The following ADGRB1 variants were observed in gnomAD, a reference collection of about 807,000 sequenced individuals.
ADGRB1 encodes the protein adhesion G protein-coupled receptor B1.
A neutral mutation model predicts 175.7 loss-of-function variants in ADGRB1; 36 were observed. The ratio of observed to expected loss-of-function variants is 0.20; its 90% CI spans 0.16 to 0.27. The LOEUF is 0.27. Among genes scored for constraint, ADGRB1 ranks in the 10% least tolerant of loss-of-function variants. The pLI, the probability that ADGRB1 is intolerant of heterozygous loss-of-function variation, is 1.00. For synonymous variants in ADGRB1, 1,054 were observed against 979.4 expected, an observed-to-expected ratio of 1.08 and a Z score of -1.42; for missense variants, 1,731 against 2,255.3, an observed-to-expected ratio of 0.77 and a Z score of 4.71.
chr8:142,479,504 C>A lies in ADGRB1; in HGVS notation c.1726+17C>A. The A allele has an allele frequency of 1.3e-6, 2 of 1,526,794 alleles. No homozygotes were observed. Among genetic ancestry groups the A allele is most frequent in the South Asian group, 1.2e-5 (1 of 80,712 alleles). 94.6% of individuals were successfully genotyped at this position (1,526,794 alleles called of 1,614,324 possible). On this transcript the variant is annotated intron_variant, in intron 8 of 30. Coordinates refer to ENST00000517894, the MANE Select transcript of ADGRB1 (RefSeq NM_001702.3). ...GGTGTCCCGGTGAGGCCCCTCCTAC[C>A]TGGGCTGGGCTCTGGGGAGGGCTGA... is the stretch of plus-strand genomic sequence containing the variant.
chr8:142,450,503 GC>G (rs1839281783), intron 1 of ADGRB1, among the ~76,000 whole-genome samples: 1 of 152,076 alleles, frequency 6.6e-6, no homozygotes, highest in African/African-American at 2.4e-5. Context: ...ACAGACGCTG[GC>G]GGGGGTCTAA....
At chr8:142,539,327 C>G (rs1262532502) in intron 26 of ADGRB1, 47 bp from the exon 27 acceptor site, 2 of 1,552,190 alleles carry the variant, frequency 1.3e-6, no homozygotes. Flanking sequence ...TGCACACACC[C>G]CCGCTCCCAG....
chr8:142,524,126 G>A, intron 22 of ADGRB1, 112 bp from the exon 23 acceptor site: 1 of 1,207,380 alleles, frequency 8.3e-7, no homozygotes, highest in Non-Finnish European at 1.2e-6. Flanking sequence ...CTTAATAAGT[G>A]CCAGTTTTCT....
intron 1 of ADGRB1, among the ~76,000 whole-genome samples, chr8:142,457,756 C>T (rs780005133): frequency 3.0e-4 from 45 of 152,302 alleles, no homozygotes; most frequent in Non-Finnish European, 5.4e-4. Flanking sequence ...GGCACCCCCT[C>T]CTCGACTTGG....
intron 24 of ADGRB1, among the ~76,000 whole-genome samples, chr8:142,527,028 A>G: frequency 6.6e-6 from 1 of 152,176 alleles, no homozygotes; most frequent in East Asian, 1.9e-4. Context: ...CTGTCCATGC[A>G]GGGACTCCCT....
chr8:142,476,844 T>C (rs949081749), intron 4 of ADGRB1, 149 bp downstream of exon 4: 1 of 987,144 alleles, frequency 1.0e-6, no homozygotes, highest in Non-Finnish European at 1.5e-6. Context: ...CCTGACTGCC[T>C]GGCATTAGGG....
chr8:142,513,248 G>A lies in ADGRB1; in HGVS notation c.2817+2175G>A, dbSNP rs371570844. ...CAGTGTCCTCATCTGTGAGATGGGA[G>A]GGCGGTTGGCTCTGCCGCAAGGGCA... On this transcript the variant is annotated intron_variant, in intron 18 of 30. Coordinates refer to ENST00000517894, the MANE Select transcript of ADGRB1 (RefSeq NM_001702.3). 1.2e-3 allele frequency among the ~76,000 whole-genome samples: 177 copies of A among 152,318 alleles called. 4 individuals carry two copies. The South Asian group carries it at 0.035, about 30-fold the overall frequency.
rs1033276451 is a variant in ADGRB1 at position 142,499,832 on chromosome 8, G to A, written c.2675+9017G>A. Among the ~76,000 whole-genome samples the A allele has an allele frequency of 3.3e-5, 5 of 152,328 alleles. No individual in the cohort carries two copies. The East Asian group carries it at 7.7e-4, about 24-fold the overall frequency. On this transcript the variant is annotated intron_variant, in intron 17 of 30. Coordinates refer to ENST00000517894, the MANE Select transcript of ADGRB1 (RefSeq NM_001702.3). Reference sequence around the variant, plus strand: ...CTTCCTGGGTGCCTGCTCGGTGCCGGGCCTTCTGCCAGGAGCTTGGAAGAG... The same window carrying A: ...CTTCCTGGGTGCCTGCTCGGTGCCGAGCCTTCTGCCAGGAGCTTGGAAGAG...
rs1587460249 is a variant in ADGRB1, at chr8:142,544,778, C to T, written c.*361C>T. 5.7e-6 allele frequency: 1 copy of T among 175,496 alleles called. No homozygotes were observed. The highest frequency in any genetic ancestry group is 1.5e-4 in the East Asian group (1 of 6,846). The allele number at this position is 175,496 out of a possible 1,614,324, so 10.9% of individuals were successfully genotyped here. On this transcript the variant is annotated 3_prime_UTR_variant, in exon 31 of 31. Coordinates refer to ENST00000517894, the MANE Select transcript of ADGRB1 (RefSeq NM_001702.3). ...GCTCCTGCTGCGGAGGAGCTGCCTG[C>T]TTGGCCCGGCCGGCCTGGCACCGTT...
In ADGRB1 at chr8:142,515,353, G is replaced by A. The variant is rs747269468; in HGVS notation, c.2818-2785G>A. On this transcript the variant is annotated intron_variant, in intron 18 of 30. Transcript: ENST00000517894. ...CCTAGTGAGGCCTGCCCAGGCCACC[G>A]CCCATCCCTTCTTCATCGCCTGGAA... 2.1e-4 allele frequency among the ~76,000 whole-genome samples: 32 copies of A among 152,204 alleles called. 1 individual carries two copies. The highest frequency in any genetic ancestry group is 3.4e-4 in the Non-Finnish European group (23 of 68,018).
In ADGRB1 at chr8:142,505,789, A is replaced by T. The variant is rs573528490; in HGVS notation, c.2676-5143A>T. On this transcript the variant is annotated intron_variant, in intron 17 of 30. Coordinates refer to ENST00000517894, the MANE Select transcript of ADGRB1 (RefSeq NM_001702.3). ...CTGGGAAGCCAGGCGAAGGAGGGCA[A>T]GGGGCGGCGGCCACAGTAGCCAGGG... Among the ~76,000 whole-genome samples, 29 of 152,272 alleles carry T rather than the reference A, an allele frequency of 1.9e-4. No homozygotes were observed. The East Asian group carries it at 5.2e-3, about 28-fold the overall frequency.
intron 11 of ADGRB1, 145 bp downstream of exon 11, chr8:142,481,856 A>G: frequency 1.3e-6 from 1 of 741,308 alleles, no homozygotes; most frequent in Non-Finnish European, 2.1e-6. Flanking sequence ...TTTGTCACAC[A>G]TTTAATCTTG....
intron 30 of ADGRB1, 25 bp from the exon 31 acceptor site, chr8:142,544,195 T>G (rs910427988): frequency 3.2e-5 from 49 of 1,544,252 alleles, no homozygotes; most frequent in Middle Eastern, 2.1e-4. Flanking sequence ...GCCCCACCCC[T>G]CCTGCACCAC....
At chr8:142,503,308 TG>T (rs554230928) in intron 17 of ADGRB1, among the ~76,000 whole-genome samples, 20 of 151,556 alleles carry the variant, frequency 1.3e-4, no homozygotes, top group African/African-American at 4.4e-4. Flanking sequence ...CTGGCTGTAA[TG>T]GGGGGAAGGT....
chr8:142,512,394 G>T (rs533283761), intron 18 of ADGRB1, among the ~76,000 whole-genome samples: 3 of 152,206 alleles, frequency 2.0e-5, no homozygotes. Context: ...GCTTTCACTG[G>T]GCAGCCTTTC....
At chr8:142,523,802 A>C (rs1844012578) in intron 22 of ADGRB1, among the ~76,000 whole-genome samples, 1 of 151,734 alleles carries the variant, frequency 6.6e-6, no homozygotes, top group Non-Finnish European at 1.5e-5. Flanking sequence ...GGGGCAGGAC[A>C]GATGTGTGAG....
chr8:142,499,422 G>A (rs952978886), intron 17 of ADGRB1, among the ~76,000 whole-genome samples: 10 of 152,236 alleles, frequency 6.6e-5, no homozygotes, highest in African/African-American at 2.4e-4. Context: ...TCAAAAGAGC[G>A]CCACCCTTGG....
In ADGRB1 at chr8:142,544,205, C is replaced by G; in HGVS notation, c.4558-15C>G. On this transcript the variant is annotated splice_polypyrimidine_tract_variant and intron_variant, in intron 30 of 30. Coordinates refer to ENST00000517894, the MANE Select transcript of ADGRB1 (RefSeq NM_001702.3). Reference sequence around the variant, plus strand: ...TCCGGGCCCCACCCCTCCTGCACCACGGGCCACCCAGCAGCCGGAAAAGCA... The same window carrying G: ...TCCGGGCCCCACCCCTCCTGCACCAGGGGCCACCCAGCAGCCGGAAAAGCA... 1 of 1,547,964 alleles carries G rather than the reference C, an allele frequency of 6.5e-7. No individual in the cohort carries two copies. Among genetic ancestry groups the G allele is most frequent in the Non-Finnish European group, 8.7e-7 (1 of 1,146,400 alleles).
chr8:142,478,385 C>G (rs780059705), intron 7 of ADGRB1, 25 bp downstream of exon 7: 3 of 1,564,702 alleles, frequency 1.9e-6, no homozygotes, highest in Non-Finnish European at 2.6e-6. Context: ...AGGCTGGGGT[C>G]GGGGGGCACC....
Sources: allele counts gnomAD v4.1 joint callset (sites outside exome capture counted in the v4.1 genomes callset), GRCh38; gene constraint gnomAD v4.1.1; transcripts MANE v1.5; gene names NCBI Gene and HGNC (gene_info 2026-07-23, HGNC 2026-07-21).